The following BLZF1 variants were observed in gnomAD, a reference collection of about 807,000 sequenced individuals.
The protein encoded by BLZF1 is basic leucine zipper nuclear factor 1, also known as golgin-45.
A neutral mutation model predicts 43.8 loss-of-function variants in BLZF1; 39 were observed. That is an observed-to-expected ratio of 0.89 (90% CI 0.69 to 1.16). BLZF1 has a LOEUF of 1.16. Among genes scored for constraint, BLZF1 ranks in the 50% most tolerant of loss-of-function variants. The pLI, the probability that BLZF1 is intolerant of heterozygous loss-of-function variation, is 0.00. For synonymous variants in BLZF1, 136 were observed against 159.4 expected, an observed-to-expected ratio of 0.85 and a Z score of 1.11; for missense variants, 449 against 469.8, an observed-to-expected ratio of 0.96 and a Z score of 0.41.
chr1:169,376,529 C>G lies in BLZF1; in HGVS notation c.29-11C>G, dbSNP rs747803518. On this transcript the variant is annotated splice_polypyrimidine_tract_variant and intron_variant, in intron 2 of 6. Transcript: ENST00000367808. ...TGGTAAGTAGTTTCTGTTTTGTTTC[C>G]TTTTTGTTAGTCACCGTTACTTCAT... The G allele has an allele frequency of 5.1e-6, 8 of 1,570,750 alleles. No individual in the cohort carries two copies. The highest frequency in any genetic ancestry group is 3.6e-5 in the South Asian group (3 of 83,810).
At chr1:169,375,823 C>T (rs1654323885) in intron 2 of BLZF1, among the ~76,000 whole-genome samples, 1 of 151,554 alleles carries the variant, frequency 6.6e-6, no homozygotes, top group South Asian at 2.1e-4. Flanking sequence ...TACACACACA[C>T]TACATGCAAG....
chr1:169,378,173 G>A lies in BLZF1; in HGVS notation c.469-157G>A, dbSNP rs151266736. Among the ~76,000 whole-genome samples the A allele has an allele frequency of 6.3e-3, 953 of 151,902 alleles. 10 individuals carry two copies. Among genetic ancestry groups the A allele is most frequent in the African/African-American group, 0.022 (893 of 41,494 alleles). ...AGTAGAGAGAGATGGTTTGTATATC[G>A]TATGGAACTTAAATATTTAATTTTA... is the stretch of plus-strand genomic sequence containing the variant. On this transcript the variant is annotated intron_variant, in intron 3 of 6. Transcript: ENST00000367808.
At chr1:169,391,573 G>A (rs776297364), downstream of BLZF1, among the ~76,000 whole-genome samples, 6 of 152,148 alleles carry the variant, frequency 3.9e-5, no homozygotes, top group South Asian at 6.2e-4. Context: ...TTCTGCAACC[G>A]GTTACAGGGA....
intron 2 of BLZF1, among the ~76,000 whole-genome samples, chr1:169,371,252 T>C (rs1654109337): frequency 6.6e-6 from 1 of 152,200 alleles, no homozygotes; most frequent in South Asian, 2.1e-4. Flanking sequence ...AAATAATTAA[T>C]GTGAAAGCAA....
chr1:169,394,978 C>A, intron 7 of BLZF1: 1 of 1,362,900 alleles, frequency 7.3e-7, no homozygotes, highest in Non-Finnish European at 1.0e-6. Context: ...AACCAAAGTA[C>A]ACAGACCCTA....
intron 2 of BLZF1, among the ~76,000 whole-genome samples, chr1:169,371,674 A>G (rs1052055508): frequency 2.0e-5 from 3 of 152,210 alleles, no homozygotes; most frequent in African/African-American, 7.2e-5. Flanking sequence ...AGAGGGTTGT[A>G]TCATGGCTGC....
At chr1:169,383,885 C>T (rs764605942) in intron 6 of BLZF1, among the ~76,000 whole-genome samples, 1 of 151,996 alleles carries the variant, frequency 6.6e-6, no homozygotes, top group Non-Finnish European at 1.5e-5. Context: ...TTCCTGTGAC[C>T]CCTCTTGAGC....
chr1:169,371,933 G>T (rs767861567), intron 2 of BLZF1, among the ~76,000 whole-genome samples: 2 of 152,120 alleles, frequency 1.3e-5, no homozygotes, highest in Non-Finnish European at 2.9e-5. Flanking sequence ...AGATAAATTT[G>T]ATAAATGCTG....
At chr1:169,385,520 C>G (rs1654641203) in intron 6 of BLZF1, among the ~76,000 whole-genome samples, 1 of 152,184 alleles carries the variant, frequency 6.6e-6, no homozygotes, top group Non-Finnish European at 1.5e-5. Flanking sequence ...CTCCTGAATT[C>G]CCTTAGCATT....
At chr1:169,396,124 A>G (rs1655019464) in exon 8 of BLZF1, 1 of 152,220 alleles carries the variant, frequency 6.6e-6, no homozygotes, top group African/African-American at 2.4e-5. Flanking sequence ...AAATACATGT[A>G]CAGACAAATA....
intron 2 of BLZF1, among the ~76,000 whole-genome samples, chr1:169,372,972 T>C (rs1463987341): frequency 6.6e-6 from 1 of 152,180 alleles, no homozygotes; most frequent in African/African-American, 2.4e-5. Flanking sequence ...ACCTATGTTA[T>C]CAAAAAATTG....
downstream of BLZF1, among the ~76,000 whole-genome samples, chr1:169,388,672 C>CA (rs1193738392): frequency 6.6e-6 from 1 of 152,046 alleles, no homozygotes; most frequent in Non-Finnish European, 1.5e-5. Context: ...ACTCAACCAC[C>CA]AAAAAACAAC....
At position 169,376,040 on chromosome 1, in the gene BLZF1, C is replaced by T. The variant is rs531043923; in HGVS notation, c.29-500C>T. ...TTGAATCTTTTCTTAATAAATTTTT[C>T]GGTGTAACATATATGTTGCTTCCTC... On this transcript the variant is annotated intron_variant, in intron 2 of 6. Coordinates refer to ENST00000367808, the MANE Select transcript of BLZF1 (RefSeq NM_001320973.2). Among the ~76,000 whole-genome samples the T allele has an allele frequency of 9.2e-5, 14 of 152,088 alleles. No individual in the cohort carries two copies. In the East Asian group the frequency reaches 1.5e-3, roughly 17 times the overall value.
At chr1:169,395,879 T>TG (rs532683659) in intron 7 of BLZF1, 1 of 50,988 alleles carries the variant, frequency 2.0e-5, no homozygotes, top group Admixed American at 2.7e-4. Flanking sequence ...GGTTTTGTTG[T>TG]TTTTTTTTTT....
intron 7 of BLZF1, among the ~76,000 whole-genome samples, chr1:169,393,549 A>G (rs1378257387): frequency 2.7e-5 from 4 of 148,572 alleles, no homozygotes; most frequent in Non-Finnish European, 6.0e-5. Context: ...GAGATGTGCC[A>G]CGGCACTCCA....
intron 1 of BLZF1, among the ~76,000 whole-genome samples, chr1:169,368,991 T>G (rs1177129123): frequency 6.6e-6 from 1 of 152,244 alleles, no homozygotes; most frequent in Non-Finnish European, 1.5e-5. Context: ...TAATTTTAAC[T>G]TTTTATTACC....
At chr1:169,394,216 T>C (rs1654894241) in intron 7 of BLZF1, among the ~76,000 whole-genome samples, 1 of 152,218 alleles carries the variant, frequency 6.6e-6, no homozygotes, top group South Asian at 2.1e-4. Flanking sequence ...TTACATTATT[T>C]ATATAAAGCA....
intron 3 of BLZF1, among the ~76,000 whole-genome samples, chr1:169,378,049 G>T (rs1571438511): frequency 6.6e-6 from 1 of 151,658 alleles, no homozygotes; most frequent in East Asian, 1.9e-4. Flanking sequence ...TTTAAGTGTT[G>T]ACTAGAAGCA....
rs768508604 is a variant in BLZF1, at chr1:169,377,031, T to G, written c.468+52T>G. The G allele has an allele frequency of 1.1e-5, 16 of 1,419,820 alleles. No individual in the cohort carries two copies. The South Asian group carries it at 1.8e-4, about 16-fold the overall frequency. The allele number at this position is 1,419,820 out of a possible 1,614,324, so 88.0% of individuals were successfully genotyped here. ...GAGTACTACTCTTTACGTCTGGACC[T>G]TTTAAACGTGCATGTTAGAAAACTA... On this transcript the variant is annotated intron_variant, in intron 3 of 6. Transcript: ENST00000367808.
Sources: allele counts gnomAD v4.1 joint callset (sites outside exome capture counted in the v4.1 genomes callset), GRCh38; gene constraint gnomAD v4.1.1; transcripts MANE v1.5; gene names NCBI Gene and HGNC (gene_info 2026-07-23, HGNC 2026-07-21).